The following IFT52 variants were observed in gnomAD, a reference collection of about 807,000 sequenced individuals.
The protein encoded by IFT52 is intraflagellar transport 52.
A neutral mutation model predicts 54.4 loss-of-function variants in IFT52; 44 were observed. That is an observed-to-expected ratio of 0.81 (90% confidence interval 0.63 to 1.04). IFT52 has a LOEUF of 1.04. IFT52 is among the 50% of genes least tolerant of loss of function. The pLI is 0.00. For synonymous variants in IFT52, 181 were observed against 185.3 expected (o/e 0.98, Z 0.19); for missense variants, 452 against 523.6 (o/e 0.86, Z 1.33).
At chr20:43,592,255 G>A (rs779435920) in intron 1 of IFT52, among the ~76,000 whole-genome samples, 3 of 152,030 alleles carry the variant, frequency 2.0e-5, no homozygotes, top group Non-Finnish European at 4.4e-5. Flanking sequence ...CTTGAACTTG[G>A]GAGGCGGAGG....
intron 3 of IFT52, 80 bp from the exon 4 acceptor site, chr20:43,603,680 T>C: frequency 7.9e-7 from 1 of 1,260,042 alleles, no homozygotes; most frequent in Non-Finnish European, 1.1e-6. Context: ...GTATTTTTCA[T>C]CTAGTTAAGG....
chr20:43,619,910 C>CTTTTTTTTTTTTTTTTTTTTTTTTTTTT (rs11482384), intron 8 of IFT52, among the ~76,000 whole-genome samples: 1 of 82,776 alleles, frequency 1.2e-5, no homozygotes, highest in African/African-American at 4.9e-5. Context: ...AGATATTCTA[C>CTTTTTTTTTTTTTTTTTTTTTTTTTTTT]TTTTTTTTTT....
At chr20:43,620,389 A>T (rs1984199267) in intron 8 of IFT52, among the ~76,000 whole-genome samples, 1 of 152,162 alleles carries the variant, frequency 6.6e-6, no homozygotes, top group South Asian at 2.1e-4. Context: ...TGGTCATGGC[A>T]GCTCATGCCT....
intron 11 of IFT52, among the ~76,000 whole-genome samples, chr20:43,636,905 A>G (rs563934692): frequency 6.6e-6 from 1 of 152,200 alleles, no homozygotes; most frequent in South Asian, 2.1e-4. Context: ...CTAATGGGTG[A>G]GGGTAGACGA....
intron 9 of IFT52, among the ~76,000 whole-genome samples, chr20:43,621,565 C>T (rs868266671): frequency 3.9e-5 from 6 of 152,190 alleles, no homozygotes; most frequent in South Asian, 2.1e-4. Flanking sequence ...TGGGTCCAAG[C>T]GATCCTTCTG....
chr20:43,607,315 C>G (rs948074640), intron 6 of IFT52, among the ~76,000 whole-genome samples: 13 of 151,478 alleles, frequency 8.6e-5, no homozygotes, highest in Non-Finnish European at 1.9e-4. Flanking sequence ...GGGGGCTGAC[C>G]CCCACCTCCC....
At chr20:43,597,381 A>AAAAAG (rs1555800926) in intron 3 of IFT52, among the ~76,000 whole-genome samples, 159 of 146,416 alleles carry the variant, frequency 1.1e-3, no homozygotes, top group Non-Finnish European at 1.3e-3. Flanking sequence ...CAAAAAAAAA[A>AAAAAG]AAAGAAAGAA....
intron 9 of IFT52, among the ~76,000 whole-genome samples, chr20:43,621,985 T>C (rs1984335564): frequency 1.3e-5 from 2 of 152,254 alleles, no homozygotes; most frequent in African/African-American, 4.8e-5. Flanking sequence ...GATTGCAGTG[T>C]GTTCAAATGG....
rs577716246 is a variant in IFT52 at position 43,644,176 on chromosome 20, T to C, written c.1266+1552T>C. ...AGAACTTCAAAATTATCCCTGGCCT[T>C]CTTTTTTCCAAGGATTTCAAAAATT... On this transcript the variant is annotated intron_variant, in intron 13 of 13. Transcript: ENST00000373030. 8.7e-3 allele frequency among the ~76,000 whole-genome samples: 338 copies of C among 38,890 alleles called. 130 individuals are homozygous for C. Among genetic ancestry groups the C allele is most frequent in the African/African-American group, 0.079 (314 of 3,960 alleles). The allele number at this position is 38,890 out of a possible 152,430, so 25.5% of individuals were successfully genotyped here.
chr20:43,606,089 T>A (rs757664406), intron 6 of IFT52, among the ~76,000 whole-genome samples: 11 of 151,798 alleles, frequency 7.2e-5, no homozygotes, highest in Non-Finnish European at 1.5e-4. Context: ...TGCGTGGTAG[T>A]GGGCGCCTAT....
intron 3 of IFT52, among the ~76,000 whole-genome samples, chr20:43,602,136 ATTTTTATTTTAT>A (rs1261606393): frequency 7.1e-6 from 1 of 140,230 alleles, no homozygotes; most frequent in African/African-American, 2.9e-5. Context: ...CTTTGAGCTG[ATTTTTATTTTAT>A]TTATTTATTT....
chr20:43,617,231 G>C (rs989922486), intron 7 of IFT52, among the ~76,000 whole-genome samples: 2 of 152,080 alleles, frequency 1.3e-5, no homozygotes, highest in African/African-American at 4.8e-5. Context: ...GTTTCAGACT[G>C]CTTTTGTTGC....
chr20:43,639,371 CAA>C (rs909963670), intron 12 of IFT52, among the ~76,000 whole-genome samples: 7 of 150,472 alleles, frequency 4.7e-5, no homozygotes, highest in African/African-American at 1.7e-4. Context: ...GACCTTGTCT[CAA>C]AAAAACAAAA....
At chr20:43,631,467 C>T (rs1466157585) in intron 10 of IFT52, among the ~76,000 whole-genome samples, 1 of 152,182 alleles carries the variant, frequency 6.6e-6, no homozygotes, top group Non-Finnish European at 1.5e-5. Context: ...AAAAAGCTGC[C>T]ATGATCTTTG....
intron 10 of IFT52, among the ~76,000 whole-genome samples, chr20:43,634,638 G>T (rs1985396891): frequency 6.6e-6 from 1 of 151,504 alleles, no homozygotes; most frequent in East Asian, 1.9e-4. Context: ...ATTTTATGAG[G>T]TGTTTTTTTT....
intron 9 of IFT52, among the ~76,000 whole-genome samples, chr20:43,621,310 T>C (rs896330405): frequency 5.3e-5 from 8 of 152,202 alleles, no homozygotes; most frequent in Admixed American, 4.6e-4. Flanking sequence ...TTGTTGCCTT[T>C]AGATTTAACA....
intron 2 of IFT52, among the ~76,000 whole-genome samples, chr20:43,595,123 G>A (rs569563565): frequency 3.3e-5 from 5 of 151,730 alleles, no homozygotes; most frequent in Admixed American, 3.3e-4. Flanking sequence ...AGACAAGCCT[G>A]GACAAGATGG....
At chr20:43,622,013 A>G (rs1171808402) in intron 9 of IFT52, among the ~76,000 whole-genome samples, 1 of 152,244 alleles carries the variant, frequency 6.6e-6, no homozygotes, top group Non-Finnish European at 1.5e-5. Flanking sequence ...GTGCAGAGCC[A>G]GGATCCAAAT....
chr20:43,604,092 A>G, intron 4 of IFT52, 91 bp from the exon 5 acceptor site: 1 of 1,112,496 alleles, frequency 9.0e-7, no homozygotes, highest in African/African-American at 1.6e-5. Context: ...ACCAAGTTCC[A>G]GGGTGCCCTT....
Sources: allele counts gnomAD v4.1 joint callset (sites outside exome capture counted in the v4.1 genomes callset), GRCh38; gene constraint gnomAD v4.1.1; transcripts MANE v1.5; gene names NCBI Gene and HGNC (gene_info 2026-07-23, HGNC 2026-07-21).